The following TNIK variants were observed in gnomAD, a reference collection of about 807,000 sequenced individuals.
TNIK encodes TRAF2 and NCK interacting kinase.
TNIK carries 49 observed loss-of-function variants against 191.3 expected under a neutral mutation model. That is an observed-to-expected ratio of 0.26 (90% CI 0.20 to 0.32). The LOEUF is 0.32. Ranked by LOEUF, TNIK falls within the 10% of genes least tolerant of loss-of-function variation. The pLI is 1.00. For missense variants in TNIK, 1,155 were observed against 1,702.3 expected, an observed-to-expected ratio of 0.68 and a Z score of 5.66; for synonymous variants, 594 against 600.9, an observed-to-expected ratio of 0.99 and a Z score of 0.17.
chr3:171,253,498 C>A (rs1319449156), intron 2 of TNIK, among the ~76,000 whole-genome samples: 1 of 151,710 alleles, frequency 6.6e-6, no homozygotes, highest in African/African-American at 2.4e-5. Flanking sequence ...GCCTCCCAAC[C>A]CTCCCTTTAA....
intron 3 of TNIK, among the ~76,000 whole-genome samples, chr3:171,211,686 G>C (rs571120959): frequency 2.0e-5 from 3 of 152,112 alleles, no homozygotes; most frequent in Non-Finnish European, 4.4e-5. Context: ...TTCTTTGAAG[G>C]CTCCTTTCAT....
At chr3:171,263,655 G>A (rs1747969598) in intron 2 of TNIK, among the ~76,000 whole-genome samples, 2 of 152,024 alleles carry the variant, frequency 1.3e-5, no homozygotes, top group African/African-American at 4.8e-5. Flanking sequence ...TCCTAAAGGA[G>A]TGAATAGTAA....
chr3:171,094,130 C>G (rs1722418085), intron 22 of TNIK, among the ~76,000 whole-genome samples, 162 bp from the exon 23 acceptor site: 2 of 151,780 alleles, frequency 1.3e-5, no homozygotes, highest in African/African-American at 4.8e-5. Flanking sequence ...TTAAGTACAT[C>G]TCATATTAAT....
chr3:171,418,615 A>G (rs1043723634), intron 1 of TNIK, among the ~76,000 whole-genome samples: 3 of 152,224 alleles, frequency 2.0e-5, no homozygotes, highest in African/African-American at 7.2e-5. Context: ...ACTTGTATGA[A>G]ATTTCCAGAA....
chr3:171,297,322 G>A (rs185421187), intron 2 of TNIK, among the ~76,000 whole-genome samples: 1 of 152,272 alleles, frequency 6.6e-6, no homozygotes, highest in East Asian at 1.9e-4. Context: ...GATATGTTGG[G>A]CTCAATATAT....
chr3:171,425,581 T>G (rs925817126), intron 1 of TNIK, among the ~76,000 whole-genome samples: 1 of 152,170 alleles, frequency 6.6e-6, no homozygotes, highest in Middle Eastern at 3.4e-3. Context: ...ATCCCAGCAC[T>G]TTGGGAGGCT....
chr3:171,061,741 C>A lies in TNIK; in HGVS notation c.*2140G>T, dbSNP rs541410791. On this transcript the variant is annotated 3_prime_UTR_variant, in exon 33 of 33. Coordinates refer to ENST00000436636, the MANE Select transcript of TNIK (RefSeq NM_015028.4). The stretch of plus-strand genomic sequence containing the variant: ...TGAAATCGAAATCAATATATTTTGT[C>A]CACATCAGCATCCAATTACAGTAGT... 2.6e-5 allele frequency: 4 copies of A among 152,256 alleles called. No individual in the cohort carries two copies. The highest frequency in any genetic ancestry group is 9.6e-5 in the African/African-American group (4 of 41,558). The allele number at this position is 152,256 out of a possible 1,614,324, so 9.4% of individuals were successfully genotyped here.
chr3:171,275,762 T>C (rs1314806367), intron 2 of TNIK, among the ~76,000 whole-genome samples: 1 of 151,736 alleles, frequency 6.6e-6, no homozygotes, highest in Non-Finnish European at 1.5e-5. Flanking sequence ...CCGGGCGTGG[T>C]GGTGGGTGCC....
intron 22 of TNIK, among the ~76,000 whole-genome samples, chr3:171,100,892 AAAGAAGCC>A (rs1723433836): frequency 6.6e-6 from 1 of 152,172 alleles, no homozygotes; most frequent in Non-Finnish European, 1.5e-5. Context: ...GGATCCAGAA[AAAGAAGCC>A]ATGAAGGGAA....
At position 171,379,689 on chromosome 3, in the gene TNIK, T is replaced by A. The variant is rs62281629; in HGVS notation, c.58-10004A>T. 2.1e-3 allele frequency among the ~76,000 whole-genome samples: 321 copies of A among 152,304 alleles called. 1 individual carries two copies. Among genetic ancestry groups the A allele is most frequent in the Non-Finnish European group, 3.8e-3 (260 of 68,010 alleles). On this transcript the variant is annotated intron_variant, in intron 1 of 32. Transcript: ENST00000436636. ...TCTCCATCACCTCCTGTAATTTTTC[T>A]CAGCTCTTCTAAAAAAGTCTTTTAA...
intron 1 of TNIK, among the ~76,000 whole-genome samples, chr3:171,459,088 A>G (rs936066291): frequency 1.3e-4 from 20 of 152,184 alleles, no homozygotes; most frequent in African/African-American, 3.4e-4. Context: ...AATGGATTCT[A>G]TATCAGTGAT....
At chr3:171,069,352 C>T (rs1363765555) in intron 29 of TNIK, among the ~76,000 whole-genome samples, 1 of 152,122 alleles carries the variant, frequency 6.6e-6, no homozygotes, top group East Asian at 1.9e-4. Flanking sequence ...CCTCTCTGGC[C>T]CCCCTCTTTC....
At chr3:171,402,823 A>G (rs1721125523) in intron 1 of TNIK, among the ~76,000 whole-genome samples, 1 of 152,204 alleles carries the variant, frequency 6.6e-6, no homozygotes, top group Non-Finnish European at 1.5e-5. Flanking sequence ...TAATGTTCCC[A>G]TTTTTTGGAG....
At chr3:171,415,998 G>GAAA (rs58082222) in intron 1 of TNIK, among the ~76,000 whole-genome samples, 4 of 86,670 alleles carry the variant, frequency 4.6e-5, no homozygotes, top group African/African-American at 1.5e-4. Context: ...AAAAAAAAAA[G>GAAA]AAAGAAAAAG....
intron 1 of TNIK, among the ~76,000 whole-genome samples, chr3:171,405,776 G>A (rs1035071835): frequency 6.6e-6 from 1 of 152,066 alleles, no homozygotes; most frequent in Admixed American, 6.5e-5. Flanking sequence ...TGATATCTTG[G>A]TAAGAAACAC....
intron 2 of TNIK, among the ~76,000 whole-genome samples, chr3:171,351,089 C>T (rs1333907941): frequency 6.6e-6 from 1 of 152,118 alleles, no homozygotes; most frequent in Non-Finnish European, 1.5e-5. Context: ...TGACGTTTCA[C>T]TATGTTGCTC....
intron 3 of TNIK, among the ~76,000 whole-genome samples, chr3:171,219,611 C>T (rs147692960): frequency 0.016 from 2,388 of 152,170 alleles, 55 homozygotes; most frequent in African/African-American, 0.055. Context: ...CAAAAGAAGA[C>T]ATTTATGCAA....
chr3:171,251,602 T>C (rs750380346), intron 2 of TNIK, among the ~76,000 whole-genome samples: 1 of 152,212 alleles, frequency 6.6e-6, no homozygotes, highest in African/African-American at 2.4e-5. Flanking sequence ...GTGCACTTAG[T>C]TGGGGCCTAA....
At chr3:171,163,786 G>C (rs539533858) in intron 10 of TNIK, among the ~76,000 whole-genome samples, 1 of 151,976 alleles carries the variant, frequency 6.6e-6, no homozygotes, top group Non-Finnish European at 1.5e-5. Flanking sequence ...CATTTGTCAG[G>C]CTTCTCAATT....
Sources: allele counts gnomAD v4.1 joint callset (sites outside exome capture counted in the v4.1 genomes callset), GRCh38; gene constraint gnomAD v4.1.1; transcripts MANE v1.5; gene names NCBI Gene and HGNC (gene_info 2026-07-23, HGNC 2026-07-21).